Variants in GRIP1 observed in about 807,000 individuals in gnomAD.
GRIP1 encodes the protein glutamate receptor-interacting protein 1.
In GRIP1, 45 loss-of-function variants were observed where a neutral mutation model predicts 129.9. The observed-to-expected ratio is 0.35, with a 90% confidence interval of 0.27 to 0.44. The LOEUF is 0.44. Ranked by LOEUF, GRIP1 falls within the 20% of genes least tolerant of loss-of-function variation. The pLI is 1.00. For synonymous variants in GRIP1, 530 were observed against 520.8 expected (o/e 1.02, Z -0.24); for missense variants, 1,196 against 1,396.8 (o/e 0.86, Z 2.29).
At chr12:66,795,044 T>A (rs1332649377) in intron 1 of GRIP1, among the ~76,000 whole-genome samples, 1 of 152,190 alleles carries the variant, frequency 6.6e-6, no homozygotes, top group Admixed American at 6.5e-5. Flanking sequence ...GTGATCACGA[T>A]TATAAGCAGG....
intron 1 of GRIP1, among the ~76,000 whole-genome samples, chr12:66,956,326 G>A (rs1023773892): frequency 3.3e-5 from 5 of 152,130 alleles, no homozygotes; most frequent in Admixed American, 2.0e-4. Context: ...TCATTAATAG[G>A]CTGGGGTTAT....
intron 1 of GRIP1, among the ~76,000 whole-genome samples, chr12:66,608,068 C>T (rs985773180): frequency 1.3e-5 from 2 of 152,160 alleles, no homozygotes; most frequent in African/African-American, 4.8e-5. Flanking sequence ...TTGGGAATAA[C>T]ATATTTCATA....
At chr12:66,372,013 T>G in intron 22 of GRIP1, 86 bp from the exon 23 acceptor site, 1 of 886,558 alleles carries the variant, frequency 1.1e-6, no homozygotes, top group Non-Finnish European at 1.8e-6. Flanking sequence ...TTTCTCCTTC[T>G]GCGAGGTAAA....
intron 4 of GRIP1, among the ~76,000 whole-genome samples, chr12:66,531,992 T>C (rs1196209954): frequency 6.6e-6 from 1 of 152,204 alleles, no homozygotes; most frequent in African/African-American, 2.4e-5. Flanking sequence ...GGGTATCTGT[T>C]ATGGGAATGC....
In GRIP1 at chr12:66,555,122, C is replaced by T. The variant is rs537316242; in HGVS notation, c.137-13172G>A. Among the ~76,000 whole-genome samples the T allele has an allele frequency of 3.3e-5, 5 of 152,294 alleles. No homozygotes were observed. In the South Asian group the frequency reaches 1.0e-3, roughly 32 times the overall value. ...ACCCACTGCTGTGCTGGCTTCAGGT[C>T]TGACCCAGTGCAGTCCCAGTGATAG... On this transcript the variant is annotated intron_variant, in intron 2 of 24. Transcript: ENST00000359742.
rs879461540 is a variant in GRIP1, at chr12:66,827,413, A to AGAGAGC, written c.59-230487_59-230486insGCTCTC. On this transcript the variant is annotated intron_variant, in intron 1 of 1. Transcript: ENST00000643019. ...GAGAGAGAGAGAGAGAGAGAGAGAG[A>AGAGAGC]GAGCGCACAAGACAGCGAGAGCAAG... 6.8e-3 allele frequency among the ~76,000 whole-genome samples: 1,034 copies of AGAGAGC among 150,976 alleles called. 8 individuals are homozygous for AGAGAGC. The highest frequency in any genetic ancestry group is 0.011 in the Non-Finnish European group (759 of 67,492).
intron 1 of GRIP1, among the ~76,000 whole-genome samples, chr12:66,662,695 C>T (rs981971577): frequency 6.6e-6 from 1 of 152,128 alleles, no homozygotes; most frequent in Non-Finnish European, 1.5e-5. Context: ...ATGAAAATAA[C>T]CTCTTCCTAC....
chr12:66,713,915 C>A (rs543621711), intron 1 of GRIP1, among the ~76,000 whole-genome samples: 114 of 152,086 alleles, frequency 7.5e-4, no homozygotes, highest in South Asian at 1.5e-3. Context: ...ATTTTAAAAG[C>A]TCCTTGATAG....
chr12:66,504,749 TG>T (rs1555196845), intron 7 of GRIP1, among the ~76,000 whole-genome samples: 1 of 152,226 alleles, frequency 6.6e-6, no homozygotes, highest in Non-Finnish European at 1.5e-5. Context: ...ATCATTTATT[TG>T]TCCAAGAATA....
At chr12:66,463,402 A>T (rs1195506557) in intron 8 of GRIP1, among the ~76,000 whole-genome samples, 1 of 152,168 alleles carries the variant, frequency 6.6e-6, no homozygotes, top group Non-Finnish European at 1.5e-5. Context: ...AGGAAAGGGA[A>T]AAACAGGAAA....
At chr12:66,655,765 G>A (rs1404371561) in intron 1 of GRIP1, among the ~76,000 whole-genome samples, 2 of 151,848 alleles carry the variant, frequency 1.3e-5, no homozygotes, top group Non-Finnish European at 1.5e-5. Context: ...ATCCGCCACT[G>A]CGCCCAGCTA....
chr12:66,614,538 G>A (rs748653354), intron 1 of GRIP1, among the ~76,000 whole-genome samples: 1 of 152,028 alleles, frequency 6.6e-6, no homozygotes, highest in South Asian at 2.1e-4. Flanking sequence ...CACCCTGGTC[G>A]ATGCCACCAT....
At chr12:66,947,092 A>G (rs2041683738) in intron 1 of GRIP1, among the ~76,000 whole-genome samples, 2 of 151,568 alleles carry the variant, frequency 1.3e-5, no homozygotes, top group South Asian at 4.2e-4. Context: ...CCATATCCCC[A>G]TCACCTGAGG....
At chr12:66,889,215 C>A (rs985571506) in intron 1 of GRIP1, among the ~76,000 whole-genome samples, 2 of 152,140 alleles carry the variant, frequency 1.3e-5, no homozygotes, top group African/African-American at 4.8e-5. Flanking sequence ...ATCCCAGCAC[C>A]TTGGGAGGCC....
At chr12:66,871,738 A>C (rs1400268419) in intron 1 of GRIP1, among the ~76,000 whole-genome samples, 1 of 152,050 alleles carries the variant, frequency 6.6e-6, no homozygotes, top group Non-Finnish European at 1.5e-5. Flanking sequence ...ATCTCTTCTG[A>C]TAATATTTTC....
intron 16 of GRIP1, among the ~76,000 whole-genome samples, chr12:66,401,598 G>GTATATATATATATATATATA (rs1555177931): frequency 4.5e-5 from 3 of 66,262 alleles, no homozygotes; most frequent in African/African-American, 1.8e-4. Context: ...AAATATGTGT[G>GTATATATATATATATATATA]TATATATATA....
intron 2 of GRIP1, among the ~76,000 whole-genome samples, chr12:66,565,094 G>C (rs1039496839): frequency 3.3e-5 from 5 of 152,214 alleles, no homozygotes; most frequent in Non-Finnish European, 5.9e-5. Flanking sequence ...TCTGATGGTA[G>C]TTTCTTTTGC....
chr12:66,713,370 T>C (rs1368577376), intron 1 of GRIP1, among the ~76,000 whole-genome samples: 1 of 152,000 alleles, frequency 6.6e-6, no homozygotes, highest in African/African-American at 2.4e-5. Context: ...TAGTGATAAG[T>C]ACAACAATCT....
At chr12:66,761,393 T>C (rs755753126) in intron 1 of GRIP1, among the ~76,000 whole-genome samples, 29 of 152,176 alleles carry the variant, frequency 1.9e-4, no homozygotes, top group Admixed American at 1.9e-3. Flanking sequence ...AGCTTATTTC[T>C]GCATATTTGC....
Sources: gnomAD v4.1 joint callset for allele counts (sites outside exome capture counted in the v4.1 genomes callset) on GRCh38, gnomAD v4.1.1 for gene constraint, MANE v1.5 for transcripts, NCBI Gene and HGNC (gene_info 2026-07-23, HGNC 2026-07-21) for gene names.